The following RBM33 variants were observed in gnomAD, a reference collection of about 807,000 sequenced individuals.
RBM33 encodes RNA binding motif protein 33.
Under a neutral mutation model 132.6 loss-of-function variants are expected in RBM33, and 28 were observed. That is an observed-to-expected ratio of 0.21 (90% CI 0.16 to 0.29). The LOEUF is 0.29. Among genes scored for constraint, RBM33 ranks in the 10% least tolerant of loss-of-function variants. RBM33 has a pLI of 1.00. For missense variants in RBM33, 1,291 were observed against 1,518.5 expected (o/e 0.85, Z 2.49); for synonymous variants, 634 against 593.0 (o/e 1.07, Z -1.01).
chr7:155,758,655 A>G (rs1471060923), intron 14 of RBM33, among the ~76,000 whole-genome samples: 1 of 150,638 alleles, frequency 6.6e-6, no homozygotes, highest in African/African-American at 2.5e-5. Context: ...CTTGTCTTGG[A>G]TATAAGCAGC....
chr7:155,744,913 G>A, intron 13 of RBM33, 48 bp from the exon 14 acceptor site: 1 of 1,487,764 alleles, frequency 6.7e-7, no homozygotes, highest in Non-Finnish European at 9.0e-7. Context: ...TAGACTATGG[G>A]CACCTTGCCT....
At position 155,738,072 on chromosome 7, in the gene RBM33, C is replaced by A; in HGVS notation, c.1406C>A (p.Pro469Gln). 1 of 1,612,648 alleles carries A rather than the reference C, an allele frequency of 6.2e-7. No individual in the cohort carries two copies. Residue 469 changes from proline (P) to glutamine (Q), a missense_variant, in exon 11 of 18, where the codon CCA (proline) becomes CAA (glutamine). Around this residue, in one of 7 missense-constraint regions of RBM33, gnomAD observed 841 missense variants for 912.0 expected, o/e 0.92. Coordinates refer to ENST00000401878, the MANE Select transcript of RBM33 (RefSeq NM_053043.3). ...TGTTACCTTTCAGTTTCAGGTGAACCAAGATTCCCGAGCCATCTTTTTCTG... is the reference window on the plus strand; with the variant it reads ...TGTTACCTTTCAGTTTCAGGTGAACAAAGATTCCCGAGCCATCTTTTTCTG... ...DPFFLGVSGE[P>Q]RFPSHLFLEQ...
intron 5 of RBM33, among the ~76,000 whole-genome samples, chr7:155,695,707 C>T (rs766269855): frequency 2.6e-4 from 40 of 152,168 alleles, no homozygotes; most frequent in Non-Finnish European, 5.3e-4. Flanking sequence ...GTGATCTGCC[C>T]GCCTTGGCCT....
chr7:155,671,427 T>G (rs1798939952), intron 2 of RBM33, among the ~76,000 whole-genome samples: 1 of 152,220 alleles, frequency 6.6e-6, no homozygotes, highest in Non-Finnish European at 1.5e-5. Context: ...AATATAGGAC[T>G]TACTGGAGGA....
intron 14 of RBM33, among the ~76,000 whole-genome samples, chr7:155,750,731 G>T (rs976124134): frequency 2.8e-4 from 39 of 141,164 alleles, no homozygotes; most frequent in South Asian, 6.9e-4. Flanking sequence ...AAAGAAAATG[G>T]TTTTTTTTTT....
Position 155,776,152 on chromosome 7 carries a change from A to G in RBM33, c.*1111A>G, listed in dbSNP as rs576623210. 16 of 152,744 alleles carry G rather than the reference A, an allele frequency of 1.0e-4. No homozygotes were observed. The highest frequency in any genetic ancestry group is 8.3e-4 in the South Asian group (4 of 4,830). The allele number at this position is 152,744 out of a possible 1,614,324, so 9.5% of individuals were successfully genotyped here. ...CCTGTAGGTGAGACATATTCTCCAT[A>G]AAGCTACTGTAGTAGAATTCATTCT... On this transcript the variant is annotated 3_prime_UTR_variant, in exon 18 of 18. Transcript: ENST00000401878. This position sits in a 1 kb window ranked among gnomAD's most constrained non-coding sequence, Gnocchi z 4.0.
rs188341272 is a variant in RBM33 at position 155,756,577 on chromosome 7, G to A, written c.2980-7235G>A. On this transcript the variant is annotated intron_variant, in intron 14 of 17. Coordinates refer to ENST00000401878, the MANE Select transcript of RBM33 (RefSeq NM_053043.3). Reference sequence around the variant, plus strand: ...ATTGGGCCAAGTGTGAGTCTAGCGCGTTGCAGTTCACTCCTCTCGTGGTGC... The same window carrying A: ...ATTGGGCCAAGTGTGAGTCTAGCGCATTGCAGTTCACTCCTCTCGTGGTGC... 1.8e-4 allele frequency among the ~76,000 whole-genome samples: 27 copies of A among 152,262 alleles called. 1 individual carries two copies. The East Asian group carries it at 2.9e-3, about 16-fold the overall frequency.
At position 155,647,947 on chromosome 7, in the gene RBM33, A is replaced by G. The variant is rs537859261; in HGVS notation, c.43+3028A>G. 2.2e-4 allele frequency among the ~76,000 whole-genome samples: 34 copies of G among 152,324 alleles called. No individual in the cohort carries two copies. The East Asian group carries it at 6.6e-3, about 29-fold the overall frequency. Reference sequence around the variant, plus strand: ...TTCCTTGTAAAATATAAAATAAAAAATCAGTACACAAATCGTAAAAAGCCT... The same window carrying G: ...TTCCTTGTAAAATATAAAATAAAAAGTCAGTACACAAATCGTAAAAAGCCT... On this transcript the variant is annotated intron_variant, in intron 1 of 17. Transcript: ENST00000401878.
intron 7 of RBM33, among the ~76,000 whole-genome samples, chr7:155,708,991 G>T (rs1311340355): frequency 6.6e-6 from 1 of 151,676 alleles, no homozygotes; most frequent in Non-Finnish European, 1.5e-5. Context: ...CTCAAGAGAT[G>T]CCACCTGACC....
At chr7:155,684,868 A>C in intron 5 of RBM33, 1 of 1,496,378 alleles carries the variant, frequency 6.7e-7, no homozygotes, top group Non-Finnish European at 8.9e-7. Context: ...AAAGACGAAA[A>C]GTACGTAAAA....
At chr7:155,654,132 CAAAT>C (rs996701679) in intron 1 of RBM33, among the ~76,000 whole-genome samples, 1 of 152,190 alleles carries the variant, frequency 6.6e-6, no homozygotes, top group Non-Finnish European at 1.5e-5. Context: ...ACCCCACCCT[CAAAT>C]AAACCAGCAC....
chr7:155,734,457 T>TA (rs1265974945), intron 9 of RBM33, among the ~76,000 whole-genome samples: 5 of 152,226 alleles, frequency 3.3e-5, no homozygotes, highest in African/African-American at 1.2e-4. Context: ...CCAGAGGTGT[T>TA]ATTAATTTTG....
intron 9 of RBM33, among the ~76,000 whole-genome samples, chr7:155,720,005 G>C (rs994873573): frequency 1.3e-5 from 2 of 152,124 alleles, no homozygotes; most frequent in African/African-American, 4.8e-5. Context: ...ATACTTTGCC[G>C]CTATTAGAAG....
At chr7:155,730,738 G>A (rs139381540) in intron 9 of RBM33, among the ~76,000 whole-genome samples, 191 of 152,320 alleles carry the variant, frequency 1.3e-3, no homozygotes, top group Non-Finnish European at 1.7e-3. Flanking sequence ...TCCACTGAGT[G>A]TGGAAAAACT....
chr7:155,765,832 A>G (rs886712145), intron 15 of RBM33, among the ~76,000 whole-genome samples: 3 of 152,190 alleles, frequency 2.0e-5, no homozygotes, highest in African/African-American at 4.8e-5. Context: ...CAGCAGAATC[A>G]TACTTGGGGA....
Position 155,758,895 on chromosome 7 carries a change from G to A in RBM33, c.2980-4917G>A, listed in dbSNP as rs893215580. ...AAACCAAGTAGCTGCATCCCAACCT[G>A]CCACTGGGACCGAAGAGTCTGTCAG... On this transcript the variant is annotated intron_variant, in intron 14 of 17. Transcript: ENST00000401878. Among the ~76,000 whole-genome samples the A allele has an allele frequency of 2.0e-5, 3 of 151,982 alleles. No homozygotes were observed. The South Asian group carries it at 6.2e-4, about 32-fold the overall frequency.
chr7:155,686,554 T>A (rs1038596598), intron 5 of RBM33, among the ~76,000 whole-genome samples: 1 of 152,102 alleles, frequency 6.6e-6, no homozygotes, highest in Non-Finnish European at 1.5e-5. Flanking sequence ...TATGTATACA[T>A]GCACCATGTT....
chr7:155,650,698 G>A (rs1431408628), intron 1 of RBM33, among the ~76,000 whole-genome samples: 1 of 151,992 alleles, frequency 6.6e-6, no homozygotes, highest in African/African-American at 2.4e-5. Flanking sequence ...ATTTGGGTCT[G>A]GTTCCCTTTA....
At chr7:155,644,953 C>T (rs1307629445) in intron 1 of RBM33, 34 bp downstream of exon 1, 11 of 1,465,006 alleles carry the variant, frequency 7.5e-6, no homozygotes, top group South Asian at 1.3e-5. Flanking sequence ...GGGGCCAGGA[C>T]CGCGCCGCGG....
Sources: allele counts gnomAD v4.1 joint callset (sites outside exome capture counted in the v4.1 genomes callset), GRCh38; gene constraint gnomAD v4.1.1; regional missense constraint gnomAD v4.1.1; non-coding constraint Gnocchi (gnomAD v3.1); transcripts MANE v1.5; gene names NCBI Gene and HGNC (gene_info 2026-07-23, HGNC 2026-07-21).